The following PCDH15 variants were observed in gnomAD, a reference collection of about 807,000 sequenced individuals.
PCDH15 encodes protocadherin-15.
Under a neutral mutation model 178.5 loss-of-function variants are expected in PCDH15, and 129 were observed. That is an observed-to-expected ratio of 0.72 (90% CI 0.63 to 0.84). The LOEUF is 0.84. PCDH15 is among the 40% of genes least tolerant of loss of function. The pLI is 0.00. For missense variants in PCDH15, 2,230 were observed against 2,099.9 expected (o/e 1.06, Z -1.21); for synonymous variants, 800 against 732.0 (o/e 1.09, Z -1.50).
At chr10:55,465,941 A>T (rs1839822933) in intron 2 of PCDH15, among the ~76,000 whole-genome samples, 1 of 152,158 alleles carries the variant, frequency 6.6e-6, no homozygotes, top group African/African-American at 2.4e-5. Context: ...TCTGAGGGGA[A>T]AAAACTTGTC....
At chr10:54,578,473 A>G (rs2090728283) in intron 2 of PCDH15, among the ~76,000 whole-genome samples, 1 of 152,124 alleles carries the variant, frequency 6.6e-6, no homozygotes, top group African/African-American at 2.4e-5. Context: ...TTTTTGTAAG[A>G]ACTCATCTCC....
At chr10:53,872,018 T>G (rs1025286094) in intron 26 of PCDH15, among the ~76,000 whole-genome samples, 1 of 152,056 alleles carries the variant, frequency 6.6e-6, no homozygotes, top group Non-Finnish European at 1.5e-5. Context: ...GGCTTCCCCC[T>G]CATTTTTGAA....
At chr10:53,889,936 T>C (rs1200610975) in intron 26 of PCDH15, among the ~76,000 whole-genome samples, 10 of 152,166 alleles carry the variant, frequency 6.6e-5, no homozygotes, top group Non-Finnish European at 1.5e-4. Flanking sequence ...AACAAATTTA[T>C]GGTTGGAAGT....
intron 2 of PCDH15, among the ~76,000 whole-genome samples, chr10:55,484,883 T>A (rs1361604189): frequency 1.3e-5 from 2 of 151,542 alleles, no homozygotes; most frequent in African/African-American, 4.8e-5. Flanking sequence ...CAAAAATCAA[T>A]TCGAAATGAA....
At chr10:54,429,901 C>T (rs2135980850) in intron 3 of PCDH15, among the ~76,000 whole-genome samples, 1 of 152,236 alleles carries the variant, frequency 6.6e-6, no homozygotes, top group South Asian at 2.1e-4. Context: ...GAGACTTCAA[C>T]ACCCTACTTT....
intron 25 of PCDH15, among the ~76,000 whole-genome samples, chr10:53,921,170 G>A (rs1256271873): frequency 6.6e-6 from 1 of 152,098 alleles, no homozygotes; most frequent in Non-Finnish European, 1.5e-5. Context: ...ACTTCTGAGA[G>A]GAGAAAATAG....
At position 54,022,958 on chromosome 10, in the gene PCDH15, G is replaced by A. The variant is rs2135320051; in HGVS notation, c.2460C>T (p.Thr820=). The change falls in exon 19 of 38, where the codon ACC becomes ACT. Residue 820 remains threonine, a synonymous_variant. Transcript: ENST00000644397. ...CAACAAGGACAGTGTATGTTGAATT[G>A]GTGAACACAGGACTGTTATCATCAA... ...LDIDDNSPVF[T]NSTYTVLVEE... is the part of the protein sequence containing the mutation. The A allele has an allele frequency of 6.2e-7, 1 of 1,613,862 alleles. No homozygotes were observed. Among genetic ancestry groups the A allele is most frequent in the Non-Finnish European group, 8.5e-7 (1 of 1,179,856 alleles).
At chr10:54,369,539 T>C (rs1187155376) in intron 4 of PCDH15, among the ~76,000 whole-genome samples, 2 of 152,052 alleles carry the variant, frequency 1.3e-5, no homozygotes, top group Non-Finnish European at 2.9e-5. Context: ...ACAAAATTAA[T>C]GCTTAGAATT....
intron 1 of PCDH15, among the ~76,000 whole-genome samples, chr10:54,734,030 G>T (rs1224348338): frequency 4.6e-5 from 7 of 150,912 alleles, no homozygotes; most frequent in Non-Finnish European, 7.4e-5. Flanking sequence ...AGTTTAAGCA[G>T]CCATTTTATA....
intron 2 of PCDH15, among the ~76,000 whole-genome samples, chr10:55,379,107 G>GATATATAT (rs58819126): frequency 2.0e-4 from 29 of 148,528 alleles, no homozygotes; most frequent in African/African-American, 6.7e-4. Context: ...CACATACATT[G>GATATATAT]ATATATATAT....
At chr10:54,632,613 T>A (rs539628530) in intron 2 of PCDH15, among the ~76,000 whole-genome samples, 1 of 152,132 alleles carries the variant, frequency 6.6e-6, no homozygotes, top group East Asian at 1.9e-4. Flanking sequence ...GCTAAAATTT[T>A]AATTAACAAT....
At chr10:54,013,353 G>C (rs1369834864) in intron 20 of PCDH15, among the ~76,000 whole-genome samples, 1 of 152,058 alleles carries the variant, frequency 6.6e-6, no homozygotes, top group Non-Finnish European at 1.5e-5. Context: ...GATGATGGAG[G>C]TGACAAAGTG....
chr10:54,616,858 C>T (rs1489637797), intron 2 of PCDH15, among the ~76,000 whole-genome samples: 1 of 151,812 alleles, frequency 6.6e-6, no homozygotes, highest in Non-Finnish European at 1.5e-5. Context: ...TTTGGATGCC[C>T]GCTTTTACAA....
At chr10:54,502,663 T>C (rs2080804604) in intron 3 of PCDH15, among the ~76,000 whole-genome samples, 1 of 152,122 alleles carries the variant, frequency 6.6e-6, no homozygotes, top group Non-Finnish European at 1.5e-5. Flanking sequence ...TGATATTTAG[T>C]ATCAGAGTAA....
intron 1 of PCDH15, among the ~76,000 whole-genome samples, chr10:54,716,707 G>T (rs2095483945): frequency 6.6e-6 from 1 of 151,988 alleles, no homozygotes; most frequent in East Asian, 1.9e-4. Context: ...TAGATTCAAT[G>T]CCATCCCCAT....
At chr10:54,375,106 T>C (rs1948208038) in intron 4 of PCDH15, among the ~76,000 whole-genome samples, 1 of 152,162 alleles carries the variant, frequency 6.6e-6, no homozygotes, top group African/African-American at 2.4e-5. Context: ...TGGATATGGA[T>C]CTACCATGTG....
At chr10:55,539,935 G>T (rs981997391) in intron 2 of PCDH15, among the ~76,000 whole-genome samples, 1 of 151,902 alleles carries the variant, frequency 6.6e-6, no homozygotes, top group Non-Finnish European at 1.5e-5. Flanking sequence ...ACTGTCATTG[G>T]TCTCATTACT....
intron 1 of PCDH15, among the ~76,000 whole-genome samples, chr10:54,761,398 G>C (rs1447606874): frequency 6.6e-6 from 1 of 152,080 alleles, no homozygotes; most frequent in Non-Finnish European, 1.5e-5. Flanking sequence ...GAACAGGTAA[G>C]TAGCTGGGCG....
rs1564443001 is a variant in PCDH15, at chr10:55,538,990, TCC to T, written c.-156+88633_-156+88634del. Among the ~76,000 whole-genome samples the T allele has an allele frequency of 5.4e-4, 56 of 103,048 alleles. 6 individuals are homozygous for T. The highest frequency in any genetic ancestry group is 2.1e-3 in the African/African-American group (53 of 25,054). 67.6% of individuals were successfully genotyped at this position (103,048 alleles called of 152,430 possible). ...TTCCTTCCTCCTTTCCTTCCTTCCT[TCC>T]TCCTTTCCTTCCCTCCTCCTTTCCT... is the stretch of plus-strand genomic sequence containing the variant. On this transcript the variant is annotated intron_variant, in intron 2 of 5. Transcript: ENST00000613346.
Sources: allele counts gnomAD v4.1 joint callset (sites outside exome capture counted in the v4.1 genomes callset), GRCh38; gene constraint gnomAD v4.1.1; transcripts MANE v1.5; gene names NCBI Gene and HGNC (gene_info 2026-07-23, HGNC 2026-07-21).